Variants in AKAP6 observed in about 807,000 individuals in gnomAD.
AKAP6 encodes the protein A-kinase anchoring protein 6, also known as A-kinase anchor protein 6.
Under a neutral mutation model 188.5 loss-of-function variants are expected in AKAP6, and 58 were observed. That is an observed-to-expected ratio of 0.31 (90% CI 0.25 to 0.38). The LOEUF (loss-of-function observed/expected upper bound fraction) is 0.38, where lower values mean the gene tolerates loss of function less well. AKAP6 is among the 10% of genes least tolerant of loss of function. AKAP6 has a pLI of 1.00. For missense variants in AKAP6, 2,710 were observed against 2,740.0 expected (o/e 0.99, Z 0.24); for synonymous variants, 989 against 998.6 (o/e 0.99, Z 0.18).
intron 1 of AKAP6, among the ~76,000 whole-genome samples, chr14:32,397,669 A>G (rs1888925946): frequency 6.6e-6 from 1 of 152,224 alleles, no homozygotes; most frequent in Non-Finnish European, 1.5e-5. Context: ...GTAATGCAGA[A>G]TTAACTCACT....
intron 11 of AKAP6, among the ~76,000 whole-genome samples, chr14:32,760,147 A>G (rs573914675): frequency 6.6e-6 from 1 of 152,360 alleles, no homozygotes; most frequent in African/African-American, 2.4e-5. Context: ...TATTGCAACA[A>G]CACACTTATC....
chr14:32,338,027 A>G (rs1351453278), intron 1 of AKAP6, among the ~76,000 whole-genome samples: 1 of 151,364 alleles, frequency 6.6e-6, no homozygotes, highest in Non-Finnish European at 1.5e-5. Flanking sequence ...CTCAAACAAA[A>G]CAAGACACGT....
intron 5 of AKAP6, among the ~76,000 whole-genome samples, chr14:32,585,391 C>G (rs190395364): frequency 1.3e-5 from 2 of 152,132 alleles, no homozygotes; most frequent in African/African-American, 4.8e-5. Flanking sequence ...TCTGGACACA[C>G]GTTAACCAAC....
chr14:32,540,160 C>T (rs563736120), intron 3 of AKAP6, among the ~76,000 whole-genome samples: 2 of 110,612 alleles, frequency 1.8e-5, no homozygotes, highest in African/African-American at 4.6e-5. Flanking sequence ...CTCTCTCTCT[C>T]TCTCTCTCTA....
At chr14:32,539,005 T>C (rs1882804923) in intron 3 of AKAP6, among the ~76,000 whole-genome samples, 3 of 152,160 alleles carry the variant, frequency 2.0e-5, no homozygotes, top group African/African-American at 7.2e-5. Context: ...CCTTCTATCT[T>C]CTCTATTTAT....
chr14:32,736,447 A>T (rs1312848338), intron 11 of AKAP6, among the ~76,000 whole-genome samples: 2 of 152,132 alleles, frequency 1.3e-5, no homozygotes, highest in African/African-American at 2.4e-5. Context: ...GTCCATGGAG[A>T]GGCATTTCCC....
rs1354667067 is a variant in AKAP6, at chr14:32,443,417, AC to A, written c.324+9601del. Among the ~76,000 whole-genome samples, 46 of 151,424 alleles carry A rather than the reference AC, an allele frequency of 3.0e-4. No homozygotes were observed. The East Asian group carries it at 8.2e-3, about 27-fold the overall frequency. ...CAAAACAAAACAAAACAAAAAAAAA[AC>A]AAAAAAACAAAAAAACCCCACACAA... is the stretch of plus-strand genomic sequence containing the variant. On this transcript the variant is annotated intron_variant, in intron 2 of 13. Transcript: ENST00000280979.
intron 8 of AKAP6, among the ~76,000 whole-genome samples, chr14:32,695,439 G>A (rs1292202563): frequency 6.6e-6 from 1 of 152,106 alleles, no homozygotes; most frequent in Non-Finnish European, 1.5e-5. Context: ...ACAGTATTTT[G>A]GATCTGATAG....
intron 12 of AKAP6, among the ~76,000 whole-genome samples, chr14:32,787,981 C>CTTG (rs2033476488): frequency 7.7e-6 from 1 of 129,754 alleles, no homozygotes; most frequent in African/African-American, 3.0e-5. Context: ...TTCAAGGATG[C>CTTG]AATGAGCCGT....
intron 2 of AKAP6, among the ~76,000 whole-genome samples, chr14:32,485,872 G>A (rs1186923164): frequency 6.6e-6 from 1 of 152,144 alleles, no homozygotes; most frequent in Non-Finnish European, 1.5e-5. Flanking sequence ...TGGTGTTTTA[G>A]TCATGAAGTC....
chr14:32,598,681 A>T (rs1885801981), intron 5 of AKAP6, among the ~76,000 whole-genome samples: 1 of 152,186 alleles, frequency 6.6e-6, no homozygotes, highest in South Asian at 2.1e-4. Flanking sequence ...TAAGGAGCGG[A>T]GAGGGGGGAG....
At chr14:32,707,135 C>T (rs1208651473) in intron 9 of AKAP6, among the ~76,000 whole-genome samples, 2 of 152,040 alleles carry the variant, frequency 1.3e-5, no homozygotes, top group Non-Finnish European at 2.9e-5. Context: ...TATTCACATA[C>T]ATTTATGTGT....
intron 4 of AKAP6, among the ~76,000 whole-genome samples, chr14:32,565,548 G>A (rs887176913): frequency 2.0e-5 from 3 of 152,162 alleles, no homozygotes; most frequent in African/African-American, 7.2e-5. Context: ...TGCTATAGCA[G>A]CCTTTTAACT....
chr14:32,494,822 GT>G (rs1880226100), intron 2 of AKAP6, among the ~76,000 whole-genome samples: 1 of 152,112 alleles, frequency 6.6e-6, no homozygotes, highest in African/African-American at 2.4e-5. Context: ...CTCTCTGTGG[GT>G]TTTTAAAGAT....
At chr14:32,358,969 G>A (rs1040892192) in intron 1 of AKAP6, among the ~76,000 whole-genome samples, 2 of 152,152 alleles carry the variant, frequency 1.3e-5, no homozygotes, top group Non-Finnish European at 2.9e-5. Context: ...GGAGAAATGA[G>A]CATCTGGCAG....
chr14:32,625,395 C>T (rs1408023476), intron 7 of AKAP6, among the ~76,000 whole-genome samples: 1 of 152,118 alleles, frequency 6.6e-6, no homozygotes, highest in East Asian at 1.9e-4. Context: ...CTCATGCTCA[C>T]CCCTGCACAC....
At chr14:32,419,254 A>C (rs553171441) in intron 1 of AKAP6, among the ~76,000 whole-genome samples, 1 of 152,220 alleles carries the variant, frequency 6.6e-6, no homozygotes, top group Non-Finnish European at 1.5e-5. Flanking sequence ...CTGGATATTA[A>C]CAGCCCTTGC....
intron 12 of AKAP6, among the ~76,000 whole-genome samples, chr14:32,791,016 C>A: frequency 6.6e-6 from 1 of 152,148 alleles, no homozygotes. Flanking sequence ...TCCAGTCTAT[C>A]ATTGGTGGGC....
Position 32,509,281 on chromosome 14 carries a change from C to T in AKAP6, c.325-26273C>T, listed in dbSNP as rs574824234. On this transcript the variant is annotated intron_variant, in intron 2 of 13. Transcript: ENST00000280979. Reference sequence around the variant, plus strand: ...CTGGGATTACATGTGTACACTACCACGCCTGGCTAATTTTTTTTGTATTTT... The same window carrying T: ...CTGGGATTACATGTGTACACTACCATGCCTGGCTAATTTTTTTTGTATTTT... 2.1e-3 allele frequency among the ~76,000 whole-genome samples: 320 copies of T among 151,890 alleles called. 2 individuals are homozygous for T. The highest frequency in any genetic ancestry group is 7.1e-3 in the African/African-American group (296 of 41,432).
Sources: allele counts gnomAD v4.1 joint callset (sites outside exome capture counted in the v4.1 genomes callset), GRCh38; gene constraint gnomAD v4.1.1; transcripts MANE v1.5; gene names NCBI Gene and HGNC (gene_info 2026-07-23, HGNC 2026-07-21).